Variants in PIK3R3 observed in about 807,000 individuals in gnomAD.
PIK3R3 encodes phosphoinositide-3-kinase regulatory subunit 3.
In PIK3R3, 64 loss-of-function variants were observed where a neutral mutation model predicts 62.9. That is an observed-to-expected ratio of 1.02 (90% CI 0.83 to 1.25). PIK3R3 has a LOEUF of 1.25. Ranked by LOEUF, PIK3R3 falls within the 50% of genes most tolerant of loss-of-function variation. The pLI is 0.00. For missense variants in PIK3R3, 614 were observed against 561.6 expected (o/e 1.09, Z -0.94); for synonymous variants, 165 against 189.0 (o/e 0.87, Z 1.04).
intron 2 of PIK3R3, among the ~76,000 whole-genome samples, chr1:46,078,358 T>G (rs967158492): frequency 1.3e-5 from 2 of 152,062 alleles, no homozygotes; most frequent in Non-Finnish European, 2.9e-5. Context: ...GCCAACATGA[T>G]GAAACCCTGT....
Position 46,061,999 on chromosome 1 carries a change from T to C in PIK3R3, c.694A>G (p.Thr232Ala). The change falls in exon 6 of 10, where the codon ACA (threonine) becomes GCA (alanine). Residue 232 changes from threonine (T) to alanine (A), a missense_variant. Coordinates refer to ENST00000262741, the MANE Select transcript of PIK3R3 (RefSeq NM_003629.4). ...TIKIFEEQCHTQEQHSKEYIE... is the reference protein window; with the variant it reads ...TIKIFEEQCHAQEQHSKEYIE... ...TATTCTTTGCTATGTTGTTCTTGTG[T>C]GTGACACTGCTCTTCAAATATTTTA... 1 of 1,611,860 alleles carries C rather than the reference T, an allele frequency of 6.2e-7. No homozygotes were observed. Among genetic ancestry groups the C allele is most frequent in the Non-Finnish European group, 8.5e-7 (1 of 1,178,014 alleles).
At chr1:46,149,249 C>T in the PIK3R3 span, among the ~76,000 whole-genome samples, 4 of 151,730 alleles carry the variant, frequency 2.6e-5, no homozygotes, top group Non-Finnish European at 4.4e-5. Flanking sequence ...ATAGTGAAAC[C>T]CCATCTTTAC....
chr1:46,164,018 A>T, the PIK3R3 span, among the ~76,000 whole-genome samples: 1 of 152,050 alleles, frequency 6.6e-6, no homozygotes, highest in African/African-American at 2.4e-5. Flanking sequence ...CCTACCTCTA[A>T]GGCCTTGCCA....
intron 1 of PIK3R3, among the ~76,000 whole-genome samples, chr1:46,084,673 GAAAAGTTACAA>G (rs1304330704): frequency 1.3e-5 from 2 of 152,286 alleles, no homozygotes; most frequent in South Asian, 2.1e-4. Context: ...CTATAGCTAT[GAAAAGTTACAA>G]AGACAAGGTG....
chr1:46,045,964 AGAATGC>A lies in PIK3R3; in HGVS notation c.1135_1140del (p.Ala379_Phe380del). 1 of 1,613,780 alleles carries A rather than the reference AGAATGC, an allele frequency of 6.2e-7. No homozygotes were observed. The highest frequency in any genetic ancestry group is 8.5e-7 in the Non-Finnish European group (1 of 1,179,844). On this transcript the variant is annotated inframe_deletion, in exon 9 of 10. Transcript: ENST00000262741. ...CCTTTCTTGCTACTCTCACGAATTA[AGAATGC>A]ACCATCAGGTTTCCCATAAAGCAAG...
chr1:46,054,623 T>C (rs1647698724), intron 7 of PIK3R3, among the ~76,000 whole-genome samples: 1 of 152,158 alleles, frequency 6.6e-6, no homozygotes, highest in African/African-American at 2.4e-5. Flanking sequence ...TAGATGCATT[T>C]CAAAACAGTC....
At chr1:46,093,715 C>T (rs574290500) in intron 1 of PIK3R3, among the ~76,000 whole-genome samples, 30 of 152,014 alleles carry the variant, frequency 2.0e-4, no homozygotes, top group African/African-American at 6.7e-4. Context: ...ATTAGCCATG[C>T]GTGGTGGCAG....
chr1:46,070,311 C>CA (rs1440106132), intron 3 of PIK3R3, among the ~76,000 whole-genome samples: 1 of 152,158 alleles, frequency 6.6e-6, no homozygotes, highest in Non-Finnish European at 1.5e-5. Context: ...AGGACATGAA[C>CA]AGTCATCCAC....
At chr1:46,156,458 CAAAAAAA>C in the PIK3R3 span, among the ~76,000 whole-genome samples, 1 of 59,772 alleles carries the variant, frequency 1.7e-5, no homozygotes, top group African/African-American at 5.1e-5. Flanking sequence ...GACTCTGTCT[CAAAAAAA>C]AAAAAAAAAA....
chr1:46,101,369 G>A (rs531092893), intron 1 of PIK3R3, among the ~76,000 whole-genome samples: 17 of 151,900 alleles, frequency 1.1e-4, no homozygotes, highest in African/African-American at 3.6e-4. Context: ...GGTGGCATGC[G>A]CCTGTAGTCA....
chr1:46,075,273 A>G lies in PIK3R3; in HGVS notation c.314+2242T>C, dbSNP rs545744995. ...TTTTTAAGTCTCATCAAATTAAGAGAGCCAATTCCGGGAACCCCAAAATTA... is the reference window on the plus strand; with the variant it reads ...TTTTTAAGTCTCATCAAATTAAGAGGGCCAATTCCGGGAACCCCAAAATTA... On this transcript the variant is annotated intron_variant, in intron 3 of 9. Transcript: ENST00000262741. Among the ~76,000 whole-genome samples the G allele has an allele frequency of 3.9e-5, 6 of 152,336 alleles. No homozygotes were observed. The South Asian group carries it at 1.2e-3, about 32-fold the overall frequency.
At chr1:46,172,730 T>C in the PIK3R3 span, among the ~76,000 whole-genome samples, 4 of 152,264 alleles carry the variant, frequency 2.6e-5, 1 homozygote, top group South Asian at 6.2e-4. Context: ...AGGTGGCTCA[T>C]GCCTGTAATC....
chr1:46,067,168 G>T, intron 3 of PIK3R3, 77 bp from the exon 4 acceptor site: 1 of 1,118,104 alleles, frequency 8.9e-7, no homozygotes, highest in Non-Finnish European at 1.3e-6. Flanking sequence ...ATGGAGACGT[G>T]AAAGCTTGGT....
chr1:46,133,058 C>T (rs1655768207), upstream of PIK3R3: 2 of 1,016,776 alleles, frequency 2.0e-6, no homozygotes, highest in Non-Finnish European at 2.4e-6. Context: ...GAGCCTGCGT[C>T]TTTTGTCTGC....
chr1:46,128,998 G>A (rs1363516553), intron 1 of PIK3R3, among the ~76,000 whole-genome samples: 4 of 152,012 alleles, frequency 2.6e-5, no homozygotes, highest in African/African-American at 9.7e-5. Context: ...TTGAACTCAG[G>A]AGGCGGAGAT....
chr1:46,087,124 G>C (rs923531353), intron 1 of PIK3R3, among the ~76,000 whole-genome samples: 1 of 152,184 alleles, frequency 6.6e-6, no homozygotes, highest in Non-Finnish European at 1.5e-5. Flanking sequence ...TCGTGTGTGG[G>C]GGAATGGTGG....
intron 1 of PIK3R3, among the ~76,000 whole-genome samples, chr1:46,128,188 A>G (rs564805849): frequency 6.6e-5 from 10 of 152,362 alleles, no homozygotes; most frequent in Admixed American, 3.3e-4. Flanking sequence ...TAATCCCAAC[A>G]CATTGGGAGT....
intron 4 of PIK3R3, 152 bp downstream of exon 4, chr1:46,066,759 C>A: frequency 1.5e-6 from 1 of 687,044 alleles, no homozygotes; most frequent in South Asian, 1.8e-5. Context: ...CCACTGCAAT[C>A]CAGCCTGGGC....
chr1:46,113,065 T>C (rs1653876296), intron 1 of PIK3R3, among the ~76,000 whole-genome samples: 1 of 152,176 alleles, frequency 6.6e-6, no homozygotes, highest in African/African-American at 2.4e-5. Context: ...ATAACATCTT[T>C]CTTCTGTACT....
Sources: allele counts gnomAD v4.1 joint callset (sites outside exome capture counted in the v4.1 genomes callset), GRCh38; gene constraint gnomAD v4.1.1; transcripts MANE v1.5; gene names NCBI Gene and HGNC (gene_info 2026-07-23, HGNC 2026-07-21).